PAPPA: variants seen among roughly 807,000 people sequenced by gnomAD.
PAPPA encodes the protein pappalysin 1.
In PAPPA, 60 loss-of-function variants were observed where a neutral mutation model predicts 164.0. The ratio of observed to expected loss-of-function variants is 0.37; its 90% CI spans 0.30 to 0.45. PAPPA has a LOEUF of 0.45. Among genes scored for constraint, PAPPA ranks in the 20% least tolerant of loss-of-function variants. The pLI is 1.00. For synonymous variants in PAPPA, 875 were observed against 814.1 expected (o/e 1.07, Z -1.27); for missense variants, 1,782 against 2,087.3 (o/e 0.85, Z 2.85).
chr9:116,391,459 AC>A (rs1450714609), intron 21 of PAPPA, among the ~76,000 whole-genome samples: 1 of 152,002 alleles, frequency 6.6e-6, no homozygotes, highest in Non-Finnish European at 1.5e-5. Flanking sequence ...TCCAACCGGC[AC>A]CCCCACCATG....
At chr9:116,243,827 C>T (rs530179896) in intron 7 of PAPPA, among the ~76,000 whole-genome samples, 3 of 152,200 alleles carry the variant, frequency 2.0e-5, no homozygotes, top group African/African-American at 7.2e-5. Flanking sequence ...TGCTGAAATG[C>T]ATGATTCAGG....
At chr9:116,285,118 G>GCTTTT (rs1437074325) in intron 9 of PAPPA, among the ~76,000 whole-genome samples, 3 of 143,958 alleles carry the variant, frequency 2.1e-5, no homozygotes, top group East Asian at 2.0e-4. Flanking sequence ...CCCAGGATTT[G>GCTTTT]CTTTTCTTTT....
intron 8 of PAPPA, among the ~76,000 whole-genome samples, chr9:116,269,881 T>A (rs1845117384): frequency 6.6e-6 from 1 of 152,214 alleles, no homozygotes; most frequent in African/African-American, 2.4e-5. Flanking sequence ...CAGCTAAAAA[T>A]ACAAACTTCT....
chr9:116,165,231 T>C (rs1330086284), intron 1 of PAPPA, among the ~76,000 whole-genome samples: 3 of 152,194 alleles, frequency 2.0e-5, no homozygotes, highest in Non-Finnish European at 1.5e-5. Context: ...TTCCCATAGA[T>C]TAATTACCCA....
chr9:116,389,329 C>T (rs1449865700), intron 21 of PAPPA, among the ~76,000 whole-genome samples: 1 of 152,050 alleles, frequency 6.6e-6, no homozygotes, highest in Non-Finnish European at 1.5e-5. Flanking sequence ...GACGGGGTTT[C>T]ACCATATTGC....
chr9:116,192,341 G>A (rs144249234), intron 2 of PAPPA, among the ~76,000 whole-genome samples: 7 of 152,186 alleles, frequency 4.6e-5, no homozygotes, highest in Admixed American at 6.5e-5. Flanking sequence ...GTATAGAAGA[G>A]AGCATGGAGT....
intron 1 of PAPPA, among the ~76,000 whole-genome samples, chr9:116,158,328 G>T (rs564273874): frequency 3.9e-5 from 6 of 152,054 alleles, no homozygotes; most frequent in Non-Finnish European, 8.8e-5. Flanking sequence ...TAAGTATATG[G>T]CTAGGAGTCC....
chr9:116,160,803 A>G (rs1419851064), intron 1 of PAPPA, among the ~76,000 whole-genome samples: 2 of 152,170 alleles, frequency 1.3e-5, no homozygotes, highest in Admixed American at 6.5e-5. Flanking sequence ...GAAATGCTCA[A>G]CTGTGATTCT....
intron 1 of PAPPA, among the ~76,000 whole-genome samples, chr9:116,183,812 A>G (rs1158544659): frequency 6.6e-6 from 1 of 152,100 alleles, no homozygotes; most frequent in Non-Finnish European, 1.5e-5. Context: ...ACTCTTTTGC[A>G]GAATCTGCCT....
At chr9:116,172,781 C>A (rs1843788588) in intron 1 of PAPPA, among the ~76,000 whole-genome samples, 2 of 152,252 alleles carry the variant, frequency 1.3e-5, no homozygotes. Flanking sequence ...TGTTTCTATG[C>A]CTTTTTTGTT....
chr9:116,361,224 G>A (rs1344528785), intron 17 of PAPPA, among the ~76,000 whole-genome samples: 4 of 152,148 alleles, frequency 2.6e-5, no homozygotes, highest in Non-Finnish European at 5.9e-5. Context: ...TTGCATTGGT[G>A]GAGCACAGCC....
chr9:116,184,299 T>C (rs1843943630), intron 1 of PAPPA, among the ~76,000 whole-genome samples: 1 of 152,176 alleles, frequency 6.6e-6, no homozygotes, highest in Admixed American at 6.5e-5. Flanking sequence ...AGGCAGCTTT[T>C]AATATGTAGT....
intron 13 of PAPPA, among the ~76,000 whole-genome samples, chr9:116,336,370 C>T (rs1476088895): frequency 6.6e-6 from 1 of 152,174 alleles, no homozygotes; most frequent in African/African-American, 2.4e-5. Flanking sequence ...CAAAGTCTGT[C>T]GTAATCTTTC....
chr9:116,368,817 C>G (rs1846534752), intron 19 of PAPPA, among the ~76,000 whole-genome samples: 3 of 152,202 alleles, frequency 2.0e-5, no homozygotes, highest in Non-Finnish European at 4.4e-5. Flanking sequence ...TGCTGCAGAT[C>G]ACACTCTGGA....
rs140979798 is a variant in PAPPA, at chr9:116,189,012, T to C, written c.1478+796T>C. Among the ~76,000 whole-genome samples, 454 of 152,312 alleles carry C rather than the reference T, an allele frequency of 3.0e-3. 5 individuals carry two copies. The highest frequency in any genetic ancestry group is 0.01 in the Middle Eastern group (3 of 294). On this transcript the variant is annotated intron_variant, in intron 2 of 21. Transcript: ENST00000328252. ...AGTGTGCTGTGTTTAGGGAGTGCCC[T>C]AGATGATCAAAGAGAAAAAGTTGAT...
At chr9:116,276,490 A>G (rs1441804991) in intron 9 of PAPPA, among the ~76,000 whole-genome samples, 1 of 147,008 alleles carries the variant, frequency 6.8e-6, no homozygotes, top group African/African-American at 2.5e-5. Context: ...TCAGAGCCTC[A>G]GTTTCTTCCT....
chr9:116,374,726 C>A (rs1846627059), intron 19 of PAPPA, among the ~76,000 whole-genome samples: 1 of 152,218 alleles, frequency 6.6e-6, no homozygotes. Context: ...TGGATTCTAA[C>A]TCTGCTGTTT....
At chr9:116,169,133 T>A (rs775551004) in intron 1 of PAPPA, among the ~76,000 whole-genome samples, 9 of 151,984 alleles carry the variant, frequency 5.9e-5, no homozygotes, top group Non-Finnish European at 8.8e-5. Flanking sequence ...GTGAGTGGCA[T>A]TGACTGTGAG....
intron 9 of PAPPA, among the ~76,000 whole-genome samples, chr9:116,278,414 CAG>C (rs2118838823): frequency 6.6e-6 from 1 of 152,296 alleles, no homozygotes; most frequent in South Asian, 2.1e-4. Context: ...TTGAAATAGC[CAG>C]AGAGTGTTTC....
Sources: allele counts gnomAD v4.1 joint callset (sites outside exome capture counted in the v4.1 genomes callset), GRCh38; gene constraint gnomAD v4.1.1; transcripts MANE v1.5; gene names NCBI Gene and HGNC (gene_info 2026-07-23, HGNC 2026-07-21).